Variants in KAZN observed in about 807,000 individuals in gnomAD.
KAZN encodes kazrin.
In KAZN, 40 loss-of-function variants were observed where a neutral mutation model predicts 87.4. The ratio of observed to expected loss-of-function variants is 0.46; its 90% CI spans 0.36 to 0.60. KAZN has a LOEUF of 0.60. KAZN is among the 20% of genes least tolerant of loss of function. The probability of loss-of-function intolerance (pLI) is 0.00; values close to 1 mark genes in which losing one functional copy is unlikely to be tolerated. For synonymous variants in KAZN, 466 were observed against 458.3 expected (o/e 1.02, Z -0.22); for missense variants, 898 against 1,073.9 (o/e 0.84, Z 2.29).
chr1:14,592,308 G>C (rs548902353), intron 2 of KAZN, among the ~76,000 whole-genome samples: 1 of 152,318 alleles, frequency 6.6e-6, no homozygotes, highest in Non-Finnish European at 1.5e-5. Flanking sequence ...AGAAAACAGA[G>C]AGCAGGAAGC....
intron 1 of KAZN, among the ~76,000 whole-genome samples, chr1:14,627,261 A>G (rs528511611): frequency 1.3e-5 from 2 of 152,118 alleles, no homozygotes; most frequent in South Asian, 2.1e-4. Flanking sequence ...GCATCCAAAC[A>G]GAAGAAAGAG....
intron 1 of KAZN, among the ~76,000 whole-genome samples, chr1:14,002,905 C>T (rs927839266): frequency 7.9e-5 from 12 of 152,230 alleles, no homozygotes; most frequent in African/African-American, 2.9e-4. Context: ...CACACGCACA[C>T]GTATGTCTAT....
chr1:14,677,474 G>A (rs1426785548), intron 1 of KAZN, among the ~76,000 whole-genome samples: 2 of 152,126 alleles, frequency 1.3e-5, no homozygotes, highest in Non-Finnish European at 2.9e-5. Flanking sequence ...AGACTAGCCA[G>A]TGGTCTCTTT....
intron 1 of KAZN, among the ~76,000 whole-genome samples, chr1:14,141,203 C>T (rs1315514429): frequency 6.9e-6 from 1 of 144,742 alleles, no homozygotes; most frequent in African/African-American, 2.6e-5. Context: ...GCATTTGAAT[C>T]TTCTCCATGA....
At chr1:14,679,128 C>T (rs916575581) in intron 1 of KAZN, among the ~76,000 whole-genome samples, 3 of 152,148 alleles carry the variant, frequency 2.0e-5, no homozygotes, top group Admixed American at 6.6e-5. Flanking sequence ...GTCCATAAAT[C>T]AAGAGACAAT....
intron 2 of KAZN, among the ~76,000 whole-genome samples, chr1:14,417,993 C>CAAAAAAAAAAAA (rs58803467): frequency 3.0e-5 from 1 of 33,814 alleles, no homozygotes; most frequent in Non-Finnish European, 5.4e-5. Flanking sequence ...GAGACTGCCT[C>CAAAAAAAAAAAA]AAAAAAAAAA....
intron 1 of KAZN, among the ~76,000 whole-genome samples, chr1:14,873,603 TC>T (rs1163278494): frequency 1.3e-5 from 2 of 152,192 alleles, no homozygotes; most frequent in Non-Finnish European, 2.9e-5. Flanking sequence ...CAGGGGCCTT[TC>T]AGGCTTTTGG....
At chr1:14,018,109 T>C (rs2101233132) in intron 1 of KAZN, among the ~76,000 whole-genome samples, 1 of 152,334 alleles carries the variant, frequency 6.6e-6, no homozygotes, top group Middle Eastern at 3.4e-3. Context: ...CATTGATCAC[T>C]GGCTAGCTAG....
chr1:14,156,618 T>G (rs151207688), intron 1 of KAZN, among the ~76,000 whole-genome samples: 2,431 of 152,316 alleles, frequency 0.016, 39 homozygotes, highest in South Asian at 0.036. Context: ...ATAGTTTTTG[T>G]CTTGAAATCT....
intron 1 of KAZN, among the ~76,000 whole-genome samples, chr1:14,733,036 G>C (rs945106653): frequency 1.3e-5 from 2 of 152,082 alleles, no homozygotes; most frequent in African/African-American, 4.8e-5. Context: ...CAAAAATGTA[G>C]CTCCAAACAG....
intron 2 of KAZN, among the ~76,000 whole-genome samples, chr1:14,213,417 T>G (rs922436957): frequency 6.6e-6 from 1 of 152,240 alleles, no homozygotes; most frequent in South Asian, 2.1e-4. Flanking sequence ...GGATGGCCTG[T>G]TTGTAGCACA....
At chr1:14,362,423 T>A (rs928152656) in intron 2 of KAZN, among the ~76,000 whole-genome samples, 2 of 152,174 alleles carry the variant, frequency 1.3e-5, no homozygotes, top group Admixed American at 6.5e-5. Flanking sequence ...AACATTGCAA[T>A]CTTATGTGAC....
chr1:15,010,932 C>A (rs1669516533), intron 2 of KAZN, among the ~76,000 whole-genome samples: 1 of 152,168 alleles, frequency 6.6e-6, no homozygotes, highest in Non-Finnish European at 1.5e-5. Flanking sequence ...TGAGTTACTG[C>A]CTCCACTTTC....
chr1:14,425,251 C>T (rs1665658324), intron 2 of KAZN, among the ~76,000 whole-genome samples: 1 of 152,172 alleles, frequency 6.6e-6, no homozygotes, highest in East Asian at 1.9e-4. Context: ...ACAGAGCCTG[C>T]CCCTACATCT....
intron 2 of KAZN, among the ~76,000 whole-genome samples, chr1:15,033,843 G>A (rs919513554): frequency 1.4e-4 from 22 of 152,208 alleles, no homozygotes; most frequent in Admixed American, 1.4e-3. Flanking sequence ...GGTTCAAGCA[G>A]TTCTCCTGCC....
intron 1 of KAZN, among the ~76,000 whole-genome samples, chr1:14,111,991 G>A: frequency 6.6e-6 from 1 of 151,808 alleles, no homozygotes; most frequent in African/African-American, 2.4e-5. Context: ...ACCCACCTCG[G>A]CCTCCCAAAA....
At position 14,118,341 on chromosome 1, in the gene KAZN, A is replaced by G. The variant is rs560523371; in HGVS notation, c.92-62094A>G. Among the ~76,000 whole-genome samples the G allele has an allele frequency of 2.0e-5, 3 of 152,294 alleles. No homozygotes were observed. The East Asian group carries it at 5.8e-4, about 29-fold the overall frequency. ...ACAAAATAGATCAAACCCTACCATCAAGCAGGAACATGTTATTCATTCTTC... is the reference window on the plus strand; with the variant it reads ...ACAAAATAGATCAAACCCTACCATCGAGCAGGAACATGTTATTCATTCTTC... On this transcript the variant is annotated intron_variant, in intron 1 of 16. Transcript: ENST00000636203.
intron 1 of KAZN, among the ~76,000 whole-genome samples, chr1:14,081,276 G>T (rs1192061193): frequency 6.6e-6 from 1 of 152,086 alleles, no homozygotes; most frequent in Admixed American, 6.6e-5. Flanking sequence ...TCCACTTGGG[G>T]CCCCGTTGTT....
At chr1:14,249,959 G>A (rs1473939499) in intron 2 of KAZN, among the ~76,000 whole-genome samples, 4 of 151,990 alleles carry the variant, frequency 2.6e-5, no homozygotes, top group Admixed American at 6.6e-5. Flanking sequence ...GGGCTTCCTA[G>A]AACTATCCCT....
Sources: allele counts gnomAD v4.1 joint callset (sites outside exome capture counted in the v4.1 genomes callset), GRCh38; gene constraint gnomAD v4.1.1; transcripts MANE v1.5; gene names NCBI Gene and HGNC (gene_info 2026-07-23, HGNC 2026-07-21).